The following TMPRSS2 variants were observed in gnomAD, a reference collection of about 807,000 sequenced individuals.
TMPRSS2 encodes transmembrane serine protease 2.
Under a neutral mutation model 67.4 loss-of-function variants are expected in TMPRSS2, and 59 were observed. That is an observed-to-expected ratio of 0.88 (90% CI 0.71 to 1.09). The LOEUF is 1.09. TMPRSS2 is among the 50% of genes least tolerant of loss of function. The pLI, the probability that TMPRSS2 is intolerant of heterozygous loss-of-function variation, is 0.00. For missense variants in TMPRSS2, 668 were observed against 642.7 expected, an observed-to-expected ratio of 1.04 and a Z score of -0.43; for synonymous variants, 257 against 257.0, an observed-to-expected ratio of 1.00 and a Z score of 0.00.
In TMPRSS2 at chr21:41,473,498, T is replaced by C; in HGVS notation, c.728-2A>G. 2 of 1,604,676 alleles carry C rather than the reference T, an allele frequency of 1.2e-6. No individual in the cohort carries two copies. The highest frequency in any genetic ancestry group is 1.7e-6 in the Non-Finnish European group (2 of 1,175,372). ...TTGAGTTCAAGTTGACCCCGCAGGC[T>C]GAGGATGACAAACAGGAGGCCAGTG... On this transcript the variant is annotated splice_acceptor_variant, in intron 8 of 13. Transcript: ENST00000332149. LOFTEE classifies it high-confidence loss of function.
chr21:41,500,448 G>A (rs562750287), intron 1 of TMPRSS2, among the ~76,000 whole-genome samples: 51 of 152,234 alleles, frequency 3.4e-4, no homozygotes, highest in African/African-American at 1.2e-3. Context: ...GAGTGGGGCC[G>A]GCTTCAGTAC....
At chr21:41,477,175 C>T (rs886737856) in intron 7 of TMPRSS2, among the ~76,000 whole-genome samples, 19 of 152,166 alleles carry the variant, frequency 1.2e-4, no homozygotes, top group South Asian at 4.1e-4. Context: ...GAAGGGAAGA[C>T]GCGGCCCCTG....
chr21:41,477,098 A>G (rs2091219919), intron 7 of TMPRSS2, among the ~76,000 whole-genome samples: 1 of 152,220 alleles, frequency 6.6e-6, no homozygotes, highest in African/African-American at 2.4e-5. Context: ...CAAACATCCC[A>G]GGTTATGGAT....
chr21:41,476,603 T>G lies in TMPRSS2; in HGVS notation c.701A>C (p.Lys234Thr). 1 of 1,603,896 alleles carries G rather than the reference T, an allele frequency of 6.2e-7. No individual in the cohort carries two copies. The highest frequency in any genetic ancestry group is 2.2e-5 in the East Asian group (1 of 44,676). Residue 234 changes from lysine to threonine, a missense_variant, in exon 8 of 14, where the codon AAA (lysine) becomes ACA (threonine). By Grantham distance (78) the Lys-to-Thr change is moderately conservative (BLOSUM62 -1). Coordinates refer to ENST00000332149, the MANE Select transcript of TMPRSS2 (RefSeq NM_005656.4). ...KLYHSDACSS[K>T]AVVSLRCIAC... ...TATACAGCGTAAAGAAACCACTGCTTTTGAAGAACAGGCATCACTGCAAAA... is the reference window on the plus strand; with the variant it reads ...TATACAGCGTAAAGAAACCACTGCTGTTGAAGAACAGGCATCACTGCAAAA...
At chr21:41,482,761 GA>G (rs1182933231) in intron 5 of TMPRSS2, among the ~76,000 whole-genome samples, 1 of 152,162 alleles carries the variant, frequency 6.6e-6, no homozygotes, top group Non-Finnish European at 1.5e-5. Flanking sequence ...GTGCTAAAAA[GA>G]AATGAGCTAT....
At chr21:41,471,212 C>G (rs1476932915) in intron 10 of TMPRSS2, among the ~76,000 whole-genome samples, 1 of 152,226 alleles carries the variant, frequency 6.6e-6, no homozygotes, top group Admixed American at 6.5e-5. Context: ...CCACATGGGG[C>G]TAGAACATTC....
intron 13 of TMPRSS2, among the ~76,000 whole-genome samples, chr21:41,467,098 T>C (rs1240687712): frequency 2.0e-5 from 3 of 152,066 alleles, no homozygotes; most frequent in African/African-American, 7.2e-5. Context: ...AATCAAAAGT[T>C]TCATGTGAGG....
intron 5 of TMPRSS2, among the ~76,000 whole-genome samples, chr21:41,483,014 T>A (rs542888854): frequency 2.4e-4 from 37 of 152,272 alleles, no homozygotes; most frequent in African/African-American, 8.9e-4. Context: ...GACGATACTA[T>A]CATTGTGGCT....
intron 1 of TMPRSS2, among the ~76,000 whole-genome samples, chr21:41,499,453 C>T (rs1432751280): frequency 6.6e-6 from 1 of 152,148 alleles, no homozygotes; most frequent in Admixed American, 6.5e-5. Flanking sequence ...TCAGTTTAGC[C>T]AGAACCTCCC....
At chr21:41,472,374 C>T (rs1488964419) in intron 9 of TMPRSS2, among the ~76,000 whole-genome samples, 1 of 152,152 alleles carries the variant, frequency 6.6e-6, no homozygotes, top group Non-Finnish European at 1.5e-5. Context: ...CAGACTTGTC[C>T]GATATCAATC....
At chr21:41,507,510 G>C (rs1163827847) in intron 1 of TMPRSS2, among the ~76,000 whole-genome samples, 1 of 152,176 alleles carries the variant, frequency 6.6e-6, no homozygotes, top group Non-Finnish European at 1.5e-5. Flanking sequence ...GCCTGGCCCA[G>C]CGGTCCCCGC....
At chr21:41,468,748 G>A in intron 11 of TMPRSS2, 1 of 530,510 alleles carries the variant, frequency 1.9e-6, no homozygotes, top group Non-Finnish European at 3.3e-6. Context: ...GCTGAATGCA[G>A]CTCTGGAGTT....
chr21:41,477,136 C>T (rs2091220530), intron 7 of TMPRSS2, among the ~76,000 whole-genome samples: 1 of 152,170 alleles, frequency 6.6e-6, no homozygotes. Context: ...TGCATTTTGT[C>T]CTGCAGTGAA....
Position 41,465,664 on chromosome 21 carries a change from T to G in TMPRSS2, c.*478A>C. On this transcript the variant is annotated 3_prime_UTR_variant, in exon 14 of 14. Coordinates refer to ENST00000332149, the MANE Select transcript of TMPRSS2 (RefSeq NM_005656.4). ...GGGCTGCTAAGGCTCTAAGAACCCATCAGCAAAATCCCCTTGTGGAGAGGT... is the reference window on the plus strand; with the variant it reads ...GGGCTGCTAAGGCTCTAAGAACCCAGCAGCAAAATCCCCTTGTGGAGAGGT... The G allele has an allele frequency of 4.1e-6, 1 of 244,428 alleles. No individual in the cohort carries two copies. The highest frequency in any genetic ancestry group is 7.9e-6 in the Non-Finnish European group (1 of 125,854). The allele number at this position is 244,428 out of a possible 1,614,324, so 15.1% of individuals were successfully genotyped here.
chr21:41,475,629 GGGTTGAGGGAGTGAGGAGGTGAGTGA>G (rs2091204371), intron 8 of TMPRSS2, among the ~76,000 whole-genome samples: 1 of 22,294 alleles, frequency 4.5e-5, no homozygotes, highest in Admixed American at 3.6e-4. Flanking sequence ...AGGTGAGTGA[GGGTTGAGGGAGTGAGGAGGTGAGTGA>G]GGGTTGAGGG....
rs190899605 is a variant in TMPRSS2 at position 41,495,088 on chromosome 21, T to C, written c.16-510A>G. On this transcript the variant is annotated intron_variant, in intron 2 of 13. Coordinates refer to ENST00000332149, the MANE Select transcript of TMPRSS2 (RefSeq NM_005656.4). ...GTCTCAAAAAAAAAAAAAAAAGTAA[T>C]AGAAAAGAAGAGGTACTACAGATTC... Among the ~76,000 whole-genome samples the C allele has an allele frequency of 3.9e-3, 577 of 148,536 alleles. 2 individuals are homozygous for C. Among genetic ancestry groups the C allele is most frequent in the Middle Eastern group, 0.01 (3 of 290 alleles).
chr21:41,494,429 C>T lies in TMPRSS2; in HGVS notation c.165G>A (p.Arg55=), dbSNP rs771536883. The T allele has an allele frequency of 6.2e-7, 1 of 1,612,690 alleles. No individual in the cohort carries two copies. The highest frequency in any genetic ancestry group is 8.5e-7 in the Non-Finnish European group (1 of 1,179,634). The change falls in exon 3 of 14, where the codon AGG becomes AGA. Residue 55 remains arginine (R), a synonymous_variant. Coordinates refer to ENST00000332149, the MANE Select transcript of TMPRSS2 (RefSeq NM_005656.4). The stretch of plus-strand genomic sequence containing the variant: ...CGGGGTTGGAAGCCTGCGTCAGGAC[C>T]CTCGGGGCGTACTGGGGCACGGGGG... ...YPSPVPQYAP[R]VLTQASNPVV... is the part of the protein sequence containing the mutation.
intron 2 of TMPRSS2, among the ~76,000 whole-genome samples, chr21:41,494,956 G>C (rs1569025224): frequency 6.6e-6 from 1 of 151,526 alleles, no homozygotes; most frequent in Non-Finnish European, 1.5e-5. Context: ...ATAATCCCAG[G>C]TACTCGGGAG....
intron 12 of TMPRSS2, 118 bp from the exon 13 acceptor site, chr21:41,468,004 T>A (rs993249002): frequency 9.1e-7 from 1 of 1,102,856 alleles, no homozygotes; most frequent in South Asian, 1.5e-5. Flanking sequence ...CGAGTGACTG[T>A]GTGGGCTTCG....
Sources: allele counts gnomAD v4.1 joint callset (sites outside exome capture counted in the v4.1 genomes callset), GRCh38; gene constraint gnomAD v4.1.1; transcripts MANE v1.5; gene names NCBI Gene and HGNC (gene_info 2026-07-23, HGNC 2026-07-21).